The following DSC1 variants were observed in gnomAD, a reference collection of about 807,000 sequenced individuals.
DSC1 encodes the protein desmocollin-1.
Under a neutral mutation model 98.8 loss-of-function variants are expected in DSC1, and 79 were observed. The ratio of observed to expected loss-of-function variants is 0.80; its 90% CI spans 0.67 to 0.96. DSC1 has a LOEUF of 0.96. DSC1 is among the 50% of genes least tolerant of loss of function. The pLI is 0.00. For missense variants in DSC1, 1,115 were observed against 1,075.9 expected, an observed-to-expected ratio of 1.04 and a Z score of -0.51; for synonymous variants, 405 against 372.1, an observed-to-expected ratio of 1.09 and a Z score of -1.02.
At chr18:31,140,348 TA>T in intron 9 of DSC1, 47 bp from the exon 10 acceptor site, 1 of 1,517,132 alleles carries the variant, frequency 6.6e-7, no homozygotes, top group Non-Finnish European at 8.9e-7. Flanking sequence ...ACATTATATA[TA>T]AGACTTCTAA....
intron 11 of DSC1, 37 bp downstream of exon 11, chr18:31,139,711 A>T (rs1789043): frequency 4.6e-6 from 7 of 1,517,560 alleles, no homozygotes; most frequent in Middle Eastern, 1.8e-4. Context: ...AAAACATGTC[A>T]TATATTTATA....
intron 8 of DSC1, among the ~76,000 whole-genome samples, chr18:31,142,831 T>C (rs1988764793): frequency 3.9e-5 from 6 of 152,136 alleles, no homozygotes; most frequent in Admixed American, 3.3e-4. Context: ...TAGACCTAGA[T>C]TTGAATCCTG....
Position 31,140,132 on chromosome 18 carries a change from A to G in DSC1, c.1430T>C (p.Val477Ala). Residue 477 changes from valine (V) to alanine (A), a missense_variant, in exon 10 of 16, where the codon GTT (valine) becomes GCT (alanine). Val to Ala is a moderately conservative substitution (Grantham distance 64, BLOSUM62 0). Transcript: ENST00000257198. ...EGPECHPPVK[V>A]IQSQDGFPAG... is the part of the protein sequence containing the mutation. ...TGGGAAGCCATCTTGACTCTGAATA[A>G]CTTTCACTGGAGGGTGGCATTCAGG... The G allele has an allele frequency of 6.2e-7, 1 of 1,613,994 alleles. No individual in the cohort carries two copies. Among genetic ancestry groups the G allele is most frequent in the Non-Finnish European group, 8.5e-7 (1 of 1,179,934 alleles).
At chr18:31,135,226 C>A (rs1988585445) in intron 11 of DSC1, among the ~76,000 whole-genome samples, 1 of 152,136 alleles carries the variant, frequency 6.6e-6, no homozygotes, top group African/African-American at 2.4e-5. Context: ...GTTCCCCTTC[C>A]TGTCTGCTTT....
intron 3 of DSC1, 53 bp downstream of exon 3, chr18:31,157,318 G>A (rs1322475882): frequency 1.3e-6 from 2 of 1,549,738 alleles, no homozygotes; most frequent in Non-Finnish European, 1.8e-6. Context: ...GAAACACGAA[G>A]GACTCCCGTA....
In DSC1 at chr18:31,159,526, A is replaced by C. The variant is rs1192299415; in HGVS notation, c.67T>G (p.Leu23Val). Residue 23 changes from leucine to valine, a missense_variant, in exon 2 of 16, where the codon TTA becomes GTA. Transcript: ENST00000257198. ...TGACAAGCATCGCAAAGTAATGTTA[A>C]AACCTCAAAAAAAAAAAAAGAAAAA... ...CKQLLFSLLV[L>V]TLLCDACQKV... is the part of the protein sequence containing the mutation. 1.3e-6 allele frequency: 2 copies of C among 1,557,324 alleles called. No homozygotes were observed. Among genetic ancestry groups the C allele is most frequent in the Non-Finnish European group, 1.7e-6 (2 of 1,160,082 alleles).
intron 11 of DSC1, among the ~76,000 whole-genome samples, chr18:31,138,070 T>G (rs967036004): frequency 1.3e-5 from 2 of 151,780 alleles, no homozygotes; most frequent in Non-Finnish European, 2.9e-5. Flanking sequence ...CTAAAATGTG[T>G]AACATCCTTA....
At chr18:31,152,959 G>T (rs1361431177) in intron 5 of DSC1, among the ~76,000 whole-genome samples, 1 of 92,620 alleles carries the variant, frequency 1.1e-5, no homozygotes, top group Non-Finnish European at 2.2e-5. Flanking sequence ...GTTTCTTAAT[G>T]CCAATTCAAA....
chr18:31,140,049 C>T lies in DSC1; in HGVS notation c.1513G>A (p.Gly505Ser). ...ALDPEISSGE[G>S]LRYQKLGDED... is the part of the protein sequence containing the mutation. The stretch of plus-strand genomic sequence containing the variant: ...TTTTGAAAAGTACATCACCTTAAGC[C>T]TTCACCACTGGATATTTCCGGGTCC... The change falls in exon 10 of 16, where the codon GGC becomes AGC. Residue 505 changes from glycine to serine, a missense_variant. Coordinates refer to ENST00000257198, the MANE Select transcript of DSC1 (RefSeq NM_024421.2). 6.2e-7 allele frequency: 1 copy of T among 1,613,760 alleles called. No individual in the cohort carries two copies.
chr18:31,136,619 TG>T (rs1467995380), intron 11 of DSC1, among the ~76,000 whole-genome samples: 2 of 152,152 alleles, frequency 1.3e-5, no homozygotes, highest in African/African-American at 2.4e-5. Flanking sequence ...TGGGCCACAC[TG>T]AAAACAGAAG....
intron 7 of DSC1, 38 bp from the exon 8 acceptor site, chr18:31,143,829 T>C: frequency 6.7e-7 from 1 of 1,490,888 alleles, no homozygotes; most frequent in Non-Finnish European, 8.9e-7. Context: ...TGAACACTTT[T>C]ATTTCCTATA....
intron 11 of DSC1, 63 bp from the exon 12 acceptor site, chr18:31,134,847 T>G (rs1988576962): frequency 1.4e-6 from 2 of 1,457,262 alleles, no homozygotes; most frequent in African/African-American, 2.8e-5. Context: ...CAACAATTTA[T>G]AAAATACACA....
intron 2 of DSC1, 27 bp downstream of exon 2, chr18:31,159,418 T>A (rs1191609471): frequency 6.2e-7 from 1 of 1,604,236 alleles, no homozygotes. Flanking sequence ...AAGTTACAGC[T>A]ATGAAACTGT....
Position 31,130,597 on chromosome 18 carries a change from G to A in DSC1, c.2602C>T (p.Arg868Trp), listed in dbSNP as rs201568166. The A allele has an allele frequency of 3.5e-5, 56 of 1,613,946 alleles. No homozygotes were observed. The highest frequency in any genetic ancestry group is 3.1e-5 in the Non-Finnish European group (37 of 1,180,038). Residue 868 changes from arginine to tryptophan, a missense_variant, in exon 16 of 16, where the codon CGG (arginine) becomes TGG (tryptophan). Physicochemically the swap from Arg to Trp is moderately radical, Grantham distance 101 (BLOSUM62 -3). Coordinates refer to ENST00000257198, the MANE Select transcript of DSC1 (RefSeq NM_024421.2). ...LAGSVGCCSD[R>W]QEEEGLEFLD... ...AACTCCAGTCCCTCTTCTTCCTGCCGATCGCTGCAGCAACCTACTGAGCCG... is the reference window on the plus strand; with the variant it reads ...AACTCCAGTCCCTCTTCTTCCTGCCAATCGCTGCAGCAACCTACTGAGCCG...
intron 14 of DSC1, 160 bp downstream of exon 14, chr18:31,132,408 G>T: frequency 1.1e-6 from 1 of 923,074 alleles, no homozygotes; most frequent in Non-Finnish European, 1.6e-6. Context: ...CTGTAGAATT[G>T]GGAGGTTTAA....
intron 2 of DSC1, among the ~76,000 whole-genome samples, chr18:31,159,142 C>G (rs113108892): frequency 3.0e-5 from 2 of 66,270 alleles, no homozygotes; most frequent in African/African-American, 1.0e-4. Flanking sequence ...CAAGCTCCGC[C>G]TCTTGGGTTC....
intron 8 of DSC1, 32 bp from the exon 9 acceptor site, chr18:31,142,216 T>C: frequency 6.3e-7 from 1 of 1,582,560 alleles, no homozygotes; most frequent in Non-Finnish European, 8.5e-7. Context: ...ATTATCAATT[T>C]ACAACTTTGA....
chr18:31,141,163 C>G (rs946643726), intron 9 of DSC1, among the ~76,000 whole-genome samples: 2 of 151,712 alleles, frequency 1.3e-5, no homozygotes, highest in Admixed American at 1.3e-4. Context: ...CAAACTAATA[C>G]AGTCCTAAAA....
intron 2 of DSC1, among the ~76,000 whole-genome samples, chr18:31,158,220 T>C (rs2143933340): frequency 6.6e-6 from 1 of 152,250 alleles, no homozygotes; most frequent in Middle Eastern, 3.4e-3. Flanking sequence ...TGAGCAGAGA[T>C]AGCACCACTG....
Sources: allele counts gnomAD v4.1 joint callset (sites outside exome capture counted in the v4.1 genomes callset), GRCh38; gene constraint gnomAD v4.1.1; transcripts MANE v1.5; gene names NCBI Gene and HGNC (gene_info 2026-07-23, HGNC 2026-07-21).